SLC39A11: variants seen among roughly 807,000 people sequenced by gnomAD.
SLC39A11 encodes the protein zinc transporter ZIP11.
A neutral mutation model predicts 36.1 loss-of-function variants in SLC39A11; 33 were observed. The ratio of observed to expected loss-of-function variants is 0.91; its 90% CI spans 0.69 to 1.22. SLC39A11 has a LOEUF of 1.22. SLC39A11 is among the 50% of genes most tolerant of loss of function. The pLI is 0.00. For synonymous variants in SLC39A11, 166 were observed against 170.3 expected (o/e 0.97, Z 0.20); for missense variants, 432 against 430.3 (o/e 1.00, Z -0.03).
At chr17:72,698,711 A>C (rs991374250) in intron 7 of SLC39A11, among the ~76,000 whole-genome samples, 4 of 152,238 alleles carry the variant, frequency 2.6e-5, no homozygotes, top group Admixed American at 6.5e-5. Flanking sequence ...CTGAGAAGAC[A>C]GAAGTCCCTG....
chr17:72,705,120 A>G lies in SLC39A11; in HGVS notation c.671+31530T>C, dbSNP rs139373700. ...CATCCCAGACTCTTCAGGTCCATGA[A>G]CCAGTAAATTCTCTTTTTAGTTTAG... On this transcript the variant is annotated intron_variant, in intron 7 of 9. Coordinates refer to ENST00000255559, the MANE Select transcript of SLC39A11 (RefSeq NM_139177.4). 4.8e-4 allele frequency among the ~76,000 whole-genome samples: 73 copies of G among 152,304 alleles called. No individual in the cohort carries two copies. The East Asian group carries it at 0.012, about 26-fold the overall frequency.
chr17:72,986,512 T>G (rs1265218797), intron 4 of SLC39A11, among the ~76,000 whole-genome samples: 1 of 152,182 alleles, frequency 6.6e-6, no homozygotes, highest in East Asian at 1.9e-4. Flanking sequence ...CCCTTCCAAC[T>G]GTGAGGTCCC....
intron 5 of SLC39A11, among the ~76,000 whole-genome samples, chr17:72,918,957 G>A (rs544854177): frequency 9.9e-5 from 15 of 152,256 alleles, no homozygotes; most frequent in African/African-American, 3.1e-4. Context: ...CAACTACTCA[G>A]GAGGCTGAGG....
intron 5 of SLC39A11, among the ~76,000 whole-genome samples, chr17:72,905,286 A>ATT (rs770593669): frequency 8.2e-6 from 1 of 122,652 alleles, no homozygotes. Context: ...TCTGTTTCCT[A>ATT]TTTTTTTTTT....
chr17:73,005,170 G>C (rs138249406), intron 4 of SLC39A11, among the ~76,000 whole-genome samples: 1 of 152,084 alleles, frequency 6.6e-6, no homozygotes, highest in African/African-American at 2.4e-5. Context: ...TAGAGAAGAG[G>C]TTTCACCGTA....
chr17:72,861,743 TATATATA>T (rs2080039966), intron 5 of SLC39A11, among the ~76,000 whole-genome samples: 7 of 2,342 alleles, frequency 3.0e-3, no homozygotes, highest in African/African-American at 8.8e-3. Context: ...TTGGAGATTA[TATATATA>T]TATATATATA....
intron 4 of SLC39A11, among the ~76,000 whole-genome samples, chr17:72,959,060 T>C (rs1013807272): frequency 3.3e-5 from 5 of 151,826 alleles, no homozygotes; most frequent in African/African-American, 1.2e-4. Context: ...ACTTCTACAA[T>C]GCTGCTGGAA....
chr17:72,894,661 C>A (rs1389294518), intron 5 of SLC39A11, among the ~76,000 whole-genome samples: 1 of 125,134 alleles, frequency 8.0e-6, no homozygotes, highest in African/African-American at 3.6e-5. Context: ...CAGAGCAAGA[C>A]CCTGTCTCAA....
chr17:72,728,767 CTG>C (rs931246519), intron 7 of SLC39A11, among the ~76,000 whole-genome samples: 3 of 152,170 alleles, frequency 2.0e-5, no homozygotes, highest in Admixed American at 6.5e-5. Flanking sequence ...TGGGCCTGTA[CTG>C]GGTAACGCTT....
At position 73,028,292 on chromosome 17, in the gene SLC39A11, G is replaced by A. The variant is rs971806034; in HGVS notation, c.306+3264C>T. Among the ~76,000 whole-genome samples, 8 of 152,094 alleles carry A rather than the reference G, an allele frequency of 5.3e-5. No individual in the cohort carries two copies. In the South Asian group the frequency reaches 1.0e-3, roughly 20 times the overall value. On this transcript the variant is annotated intron_variant, in intron 4 of 9. Coordinates refer to ENST00000255559, the MANE Select transcript of SLC39A11 (RefSeq NM_139177.4). Reference sequence around the variant, plus strand: ...ACTATAAACGCGTGGGTGCTCAGTCGATGTTGGCCAACCGCAACGACTCAA... The same window carrying A: ...ACTATAAACGCGTGGGTGCTCAGTCAATGTTGGCCAACCGCAACGACTCAA...
At chr17:72,829,229 T>A (rs1282224529) in intron 6 of SLC39A11, among the ~76,000 whole-genome samples, 1 of 151,674 alleles carries the variant, frequency 6.6e-6, no homozygotes, top group African/African-American at 2.4e-5. Flanking sequence ...ACACCTGTGG[T>A]CCCAGCTACT....
chr17:72,669,458 G>C (rs1358673971), intron 7 of SLC39A11, among the ~76,000 whole-genome samples: 2 of 152,132 alleles, frequency 1.3e-5, no homozygotes, highest in African/African-American at 4.8e-5. Flanking sequence ...TTTGTAGAAT[G>C]TCTCTCAAAT....
At chr17:72,781,988 A>G (rs1255248752) in intron 6 of SLC39A11, among the ~76,000 whole-genome samples, 1 of 152,124 alleles carries the variant, frequency 6.6e-6, no homozygotes, top group Non-Finnish European at 1.5e-5. Context: ...ATACATATAC[A>G]TACATATATT....
chr17:73,090,986 A>C (rs1024994148), intron 1 of SLC39A11, among the ~76,000 whole-genome samples: 2 of 152,198 alleles, frequency 1.3e-5, no homozygotes, highest in Non-Finnish European at 2.9e-5. Context: ...GTGGTCAGAG[A>C]ACCAGCAGCA....
chr17:72,764,660 T>C (rs1338175401), intron 6 of SLC39A11, among the ~76,000 whole-genome samples: 6 of 152,038 alleles, frequency 3.9e-5, no homozygotes, highest in Non-Finnish European at 7.4e-5. Flanking sequence ...AGACTGAAAC[T>C]CAGACACACC....
chr17:72,677,428 T>C (rs79700072), intron 7 of SLC39A11, among the ~76,000 whole-genome samples: 2,070 of 152,280 alleles, frequency 0.014, 50 homozygotes, highest in African/African-American at 0.046. Context: ...GGTCAGGAGA[T>C]GGGACATTCT....
intron 5 of SLC39A11, among the ~76,000 whole-genome samples, chr17:72,862,696 A>C (rs986813055): frequency 6.6e-6 from 1 of 152,136 alleles, no homozygotes; most frequent in Non-Finnish European, 1.5e-5. Context: ...AGAAATACAG[A>C]TTGTCCTAGT....
chr17:72,991,062 A>G lies in SLC39A11; in HGVS notation c.306+40494T>C, dbSNP rs1270758030. Among the ~76,000 whole-genome samples, 4 of 152,226 alleles carry G rather than the reference A, an allele frequency of 2.6e-5. No individual in the cohort carries two copies. The South Asian group carries it at 8.3e-4, about 31-fold the overall frequency. ...TAACAAGATGTAAGTCCACGTACCA[A>G]CGATCTAGATTTAATAAAGGTTAAC... On this transcript the variant is annotated intron_variant, in intron 4 of 9. Coordinates refer to ENST00000255559, the MANE Select transcript of SLC39A11 (RefSeq NM_139177.4).
At position 72,934,348 on chromosome 17, in the gene SLC39A11, G is replaced by A. The variant is rs192707535; in HGVS notation, c.430+13404C>T. On this transcript the variant is annotated intron_variant, in intron 5 of 9. Coordinates refer to ENST00000255559, the MANE Select transcript of SLC39A11 (RefSeq NM_139177.4). ...AAATGCAAATCACATATCTGACAAA[G>A]GTCCTCTATGCAGAATACAGAAAAA... 5.3e-5 allele frequency among the ~76,000 whole-genome samples: 8 copies of A among 152,272 alleles called. No individual in the cohort carries two copies. The East Asian group carries it at 1.5e-3, about 29-fold the overall frequency.
Sources: allele counts gnomAD v4.1 joint callset (sites outside exome capture counted in the v4.1 genomes callset), GRCh38; gene constraint gnomAD v4.1.1; transcripts MANE v1.5; gene names NCBI Gene and HGNC (gene_info 2026-07-23, HGNC 2026-07-21).